GRIK4: variants seen among roughly 807,000 people sequenced by gnomAD.
The protein encoded by GRIK4 is glutamate ionotropic receptor kainate type subunit 4, also known as glutamate receptor ionotropic, kainate 4.
A neutral mutation model predicts 104.9 loss-of-function variants in GRIK4; 40 were observed. The observed-to-expected ratio is 0.38, with a 90% CI of 0.30 to 0.50. The LOEUF is 0.50. Among genes scored for constraint, GRIK4 ranks in the 20% least tolerant of loss-of-function variants. GRIK4 has a pLI of 0.93. For missense variants in GRIK4, 1,047 were observed against 1,308.1 expected (o/e 0.80, Z 3.08); for synonymous variants, 485 against 524.9 (o/e 0.92, Z 1.04).
chr11:120,700,748 C>T (rs10892619), intron 3 of GRIK4, among the ~76,000 whole-genome samples: 41,816 of 152,016 alleles, frequency 0.28, 6,143 homozygotes, highest in East Asian at 0.35. Flanking sequence ...TGAGCCACTG[C>T]GCCTGGCCAA....
intron 8 of GRIK4, among the ~76,000 whole-genome samples, chr11:120,843,706 T>C (rs1953780283): frequency 1.3e-5 from 2 of 152,178 alleles, no homozygotes; most frequent in Admixed American, 6.5e-5. Flanking sequence ...GCTTCGGTTT[T>C]TTTATCTGAA....
chr11:120,888,558 A>G (rs2134443537), intron 11 of GRIK4, among the ~76,000 whole-genome samples: 1 of 152,298 alleles, frequency 6.6e-6, no homozygotes, highest in East Asian at 1.9e-4. Context: ...GAGTTCATTG[A>G]TGCAAAAGAA....
intron 19 of GRIK4, among the ~76,000 whole-genome samples, chr11:120,974,188 G>A (rs938858241): frequency 4.6e-5 from 7 of 152,226 alleles, no homozygotes; most frequent in East Asian, 1.9e-4. Flanking sequence ...GATTACAGGC[G>A]TGAGCCACCA....
intron 17 of GRIK4, among the ~76,000 whole-genome samples, chr11:120,961,907 C>T (rs1263970293): frequency 6.6e-6 from 1 of 152,194 alleles, no homozygotes; most frequent in East Asian, 1.9e-4. Context: ...CATGCAAACA[C>T]AGAGTTTGGA....
intron 1 of GRIK4, among the ~76,000 whole-genome samples, chr11:120,516,360 G>T (rs939396596): frequency 3.3e-5 from 5 of 152,166 alleles, no homozygotes; most frequent in African/African-American, 1.2e-4. Flanking sequence ...GGCTGAGAAG[G>T]GGCTGTGCAG....
At chr11:120,743,568 C>A (rs1201922026) in intron 3 of GRIK4, among the ~76,000 whole-genome samples, 11 of 152,090 alleles carry the variant, frequency 7.2e-5, no homozygotes, top group Non-Finnish European at 1.2e-4. Context: ...TACCTCCAAA[C>A]CTAGAATAAA....
intron 8 of GRIK4, among the ~76,000 whole-genome samples, chr11:120,852,371 A>G (rs1292014171): frequency 6.6e-6 from 1 of 152,218 alleles, no homozygotes; most frequent in Non-Finnish European, 1.5e-5. Context: ...ATGAATGTGT[A>G]TTGAGCACTT....
intron 3 of GRIK4, among the ~76,000 whole-genome samples, chr11:120,769,080 C>T (rs1951892118): frequency 6.6e-6 from 1 of 152,092 alleles, no homozygotes; most frequent in Non-Finnish European, 1.5e-5. Context: ...TTCCCTCTAG[C>T]TGTATTTTTT....
At chr11:120,772,684 A>C (rs1472807019) in intron 3 of GRIK4, among the ~76,000 whole-genome samples, 1 of 151,552 alleles carries the variant, frequency 6.6e-6, no homozygotes, top group East Asian at 1.9e-4. Context: ...AGAACATTTT[A>C]TATTGTGGGG....
chr11:120,808,943 A>C (rs897244163), intron 4 of GRIK4, among the ~76,000 whole-genome samples: 4 of 152,104 alleles, frequency 2.6e-5, no homozygotes, highest in African/African-American at 9.7e-5. Context: ...CCCAGAGAGC[A>C]CTGAGCAGCT....
At chr11:120,918,731 T>C (rs1314311977) in intron 13 of GRIK4, among the ~76,000 whole-genome samples, 1 of 152,150 alleles carries the variant, frequency 6.6e-6, no homozygotes, top group African/African-American at 2.4e-5. Context: ...TTTGAGACGT[T>C]AGCATGTGAT....
intron 11 of GRIK4, among the ~76,000 whole-genome samples, chr11:120,877,336 AGATTCAGCCCCT>A (rs1223049971): frequency 6.6e-6 from 1 of 152,210 alleles, no homozygotes; most frequent in Non-Finnish European, 1.5e-5. Flanking sequence ...AAGCTGAAAA[AGATTCAGCCCCT>A]GCACAGAGAG....
At chr11:120,843,882 G>A (rs752427419) in intron 8 of GRIK4, among the ~76,000 whole-genome samples, 7 of 152,118 alleles carry the variant, frequency 4.6e-5, no homozygotes, top group Admixed American at 2.0e-4. Context: ...CGTGTGACTC[G>A]TGGAAGCAGT....
chr11:120,971,022 A>C (rs1297909097), intron 19 of GRIK4, among the ~76,000 whole-genome samples: 1 of 152,170 alleles, frequency 6.6e-6, no homozygotes, highest in Non-Finnish European at 1.5e-5. Flanking sequence ...GCTGTTGCGA[A>C]GGTTGAGTAA....
chr11:120,566,968 ATTT>A (rs572433053), intron 1 of GRIK4, among the ~76,000 whole-genome samples: 3 of 99,704 alleles, frequency 3.0e-5, no homozygotes, highest in African/African-American at 9.8e-5. Context: ...CGGCCTCCTA[ATTT>A]TTTTTTTTTT....
At chr11:120,843,824 G>A (rs1370657720) in intron 8 of GRIK4, among the ~76,000 whole-genome samples, 1 of 152,112 alleles carries the variant, frequency 6.6e-6, no homozygotes, top group African/African-American at 2.4e-5. Context: ...TTGGAATTGG[G>A]GATGTTCCCT....
intron 11 of GRIK4, chr11:120,894,190 G>A (rs1318236603): frequency 2.0e-5 from 3 of 152,252 alleles, no homozygotes; most frequent in Admixed American, 6.5e-5. Flanking sequence ...ACTAATAAGG[G>A]TTGACACAGT....
At chr11:120,834,573 G>A (rs2135570023) in intron 7 of GRIK4, among the ~76,000 whole-genome samples, 1 of 150,440 alleles carries the variant, frequency 6.6e-6, no homozygotes, top group Admixed American at 6.6e-5. Context: ...CCCTCCAGGA[G>A]GGCACAACAG....
chr11:120,784,911 C>T (rs180972131), intron 3 of GRIK4, among the ~76,000 whole-genome samples: 3 of 152,254 alleles, frequency 2.0e-5, no homozygotes, highest in East Asian at 1.9e-4. Flanking sequence ...TGGTGCCTGG[C>T]GTGAGGTCGG....
Sources: allele counts gnomAD v4.1 joint callset (sites outside exome capture counted in the v4.1 genomes callset), GRCh38; gene constraint gnomAD v4.1.1; transcripts MANE v1.5; gene names NCBI Gene and HGNC (gene_info 2026-07-23, HGNC 2026-07-21).